CFAP221: variants seen among roughly 807,000 people sequenced by gnomAD.
CFAP221 encodes cilia- and flagella-associated protein 221.
A neutral mutation model predicts 113.1 loss-of-function variants in CFAP221; 97 were observed. That is an observed-to-expected ratio of 0.86 (90% CI 0.73 to 1.02). The LOEUF (loss-of-function observed/expected upper bound fraction) is 1.02. Ranked by LOEUF, CFAP221 falls within the 50% of genes least tolerant of loss-of-function variation. The probability of loss-of-function intolerance (pLI) is 0.00; values close to 1 mark genes in which losing one functional copy is unlikely to be tolerated. For synonymous variants in CFAP221, 331 were observed against 354.4 expected (o/e 0.93, Z 0.74); for missense variants, 1,025 against 1,013.4 (o/e 1.01, Z -0.16).
intron 14 of CFAP221, among the ~76,000 whole-genome samples, chr2:119,616,351 T>G (rs571767437): frequency 6.6e-6 from 1 of 152,352 alleles, no homozygotes; most frequent in African/African-American, 2.4e-5. Flanking sequence ...CATTCATCAG[T>G]TGATGAAAGT....
intron 7 of CFAP221, among the ~76,000 whole-genome samples, chr2:119,597,892 C>A (rs1052276108): frequency 3.9e-5 from 6 of 152,210 alleles, no homozygotes; most frequent in Non-Finnish European, 8.8e-5. Flanking sequence ...AATTTTCCAT[C>A]TAACGCACAG....
intron 7 of CFAP221, among the ~76,000 whole-genome samples, chr2:119,593,265 G>A (rs1056252597): frequency 6.6e-6 from 1 of 152,188 alleles, no homozygotes; most frequent in East Asian, 1.9e-4. Flanking sequence ...GTATACATAT[G>A]AGTGTGTGTT....
At chr2:119,598,669 A>G (rs1684159475) in intron 7 of CFAP221, among the ~76,000 whole-genome samples, 1 of 152,206 alleles carries the variant, frequency 6.6e-6, no homozygotes, top group African/African-American at 2.4e-5. Context: ...GTTTTGGCTG[A>G]GCAGTAAGCT....
At chr2:119,646,826 T>C (rs753362580) in intron 21 of CFAP221, 132 bp from the exon 22 acceptor site, 24 of 690,136 alleles carry the variant, frequency 3.5e-5, no homozygotes, top group Non-Finnish European at 5.4e-5. Flanking sequence ...AAATGGCTTT[T>C]CAAGAGTGAG....
chr2:119,643,857 T>A (rs2104798840), intron 21 of CFAP221, among the ~76,000 whole-genome samples: 1 of 151,600 alleles, frequency 6.6e-6, no homozygotes, highest in East Asian at 2.0e-4. Context: ...GACATTAAAA[T>A]TAAACAAAGC....
chr2:119,565,095 C>T (rs556831178), intron 6 of CFAP221, among the ~76,000 whole-genome samples: 5 of 152,302 alleles, frequency 3.3e-5, no homozygotes, highest in East Asian at 3.9e-4. Context: ...TTCTTAGCCC[C>T]GTGCTCTTCC....
intron 6 of CFAP221, among the ~76,000 whole-genome samples, chr2:119,575,318 G>C (rs1254644965): frequency 3.9e-5 from 6 of 151,958 alleles, no homozygotes; most frequent in Non-Finnish European, 8.8e-5. Context: ...CCGTGTTCTC[G>C]GGCCCCAGCC....
chr2:119,623,371 A>G (rs1686074355), intron 14 of CFAP221, among the ~76,000 whole-genome samples: 1 of 152,240 alleles, frequency 6.6e-6, no homozygotes, highest in Non-Finnish European at 1.5e-5. Context: ...AAGAGAGGAC[A>G]CAAACAAATG....
intron 6 of CFAP221, among the ~76,000 whole-genome samples, chr2:119,570,939 A>G (rs1181558395): frequency 1.3e-5 from 2 of 152,260 alleles, no homozygotes. Context: ...TATGTTTAAT[A>G]TTTTAAGAAC....
intron 20 of CFAP221, 123 bp downstream of exon 20, chr2:119,638,540 T>A: frequency 8.0e-7 from 1 of 1,255,370 alleles, no homozygotes; most frequent in Non-Finnish European, 1.1e-6. Flanking sequence ...AGAACAAGAA[T>A]GGTAACACCG....
chr2:119,571,673 G>T (rs1422422147), intron 6 of CFAP221, among the ~76,000 whole-genome samples: 5 of 151,916 alleles, frequency 3.3e-5, no homozygotes, highest in African/African-American at 1.2e-4. Flanking sequence ...GGCCAGGCTG[G>T]TCTTGAACTC....
chr2:119,589,444 G>A lies in CFAP221; in HGVS notation c.631+2222G>A, dbSNP rs145800515. On this transcript the variant is annotated intron_variant, in intron 7 of 23. Transcript: ENST00000413369. ...TTGGCCACAAGGCATTATTGCCTCC[G>A]TTTTACAAACTGGGTTCAGATAGAC... Among the ~76,000 whole-genome samples, 795 of 152,294 alleles carry A rather than the reference G, an allele frequency of 5.2e-3. 9 individuals carry two copies. The highest frequency in any genetic ancestry group is 0.012 in the Admixed American group (179 of 15,290).
intron 14 of CFAP221, among the ~76,000 whole-genome samples, chr2:119,621,906 A>G (rs1329091566): frequency 1.3e-5 from 2 of 152,228 alleles, no homozygotes; most frequent in African/African-American, 2.4e-5. Flanking sequence ...AGGGAAATTT[A>G]TAGCACTAAA....
At chr2:119,588,070 G>A (rs1054579994) in intron 7 of CFAP221, among the ~76,000 whole-genome samples, 5 of 152,146 alleles carry the variant, frequency 3.3e-5, no homozygotes, top group African/African-American at 1.2e-4. Flanking sequence ...TTTCAGCTGT[G>A]TGGGCCTAAA....
chr2:119,639,246 G>A (rs1687324685), intron 20 of CFAP221, among the ~76,000 whole-genome samples: 1 of 152,076 alleles, frequency 6.6e-6, no homozygotes, highest in African/African-American at 2.4e-5. Context: ...GTGGGTCCCC[G>A]CTGCCTGCTG....
intron 22 of CFAP221, among the ~76,000 whole-genome samples, chr2:119,650,838 G>C (rs181822349): frequency 2.6e-5 from 4 of 152,126 alleles, no homozygotes; most frequent in Admixed American, 6.5e-5. Context: ...AGATTTCAAG[G>C]GTATTTTTCT....
intron 6 of CFAP221, among the ~76,000 whole-genome samples, chr2:119,579,770 T>C (rs1682714416): frequency 6.6e-6 from 1 of 152,208 alleles, no homozygotes; most frequent in East Asian, 1.9e-4. Flanking sequence ...TAATTGAAAA[T>C]TGAGTATATG....
chr2:119,548,524 G>C (rs2105006499), intron 2 of CFAP221, among the ~76,000 whole-genome samples: 1 of 152,300 alleles, frequency 6.6e-6, no homozygotes, highest in Middle Eastern at 3.4e-3. Flanking sequence ...CCGTTTAAAA[G>C]GGACATTCAC....
chr2:119,659,735 T>G (rs1191529534), downstream of CFAP221, among the ~76,000 whole-genome samples: 1 of 152,218 alleles, frequency 6.6e-6, no homozygotes, highest in Non-Finnish European at 1.5e-5. Context: ...CCCCTGGGCC[T>G]CTGCACATGC....
Sources: gnomAD v4.1 joint callset for allele counts (sites outside exome capture counted in the v4.1 genomes callset) on GRCh38, gnomAD v4.1.1 for gene constraint, MANE v1.5 for transcripts, NCBI Gene and HGNC (gene_info 2026-07-23, HGNC 2026-07-21) for gene names.